The following EXT2 variants were observed in gnomAD, a reference collection of about 807,000 sequenced individuals.
EXT2 encodes the protein exostosin-2.
EXT2 carries 53 observed loss-of-function variants against 81.6 expected under a neutral mutation model. The observed-to-expected ratio is 0.65, with a 90% CI of 0.52 to 0.82. EXT2 has a LOEUF of 0.82. EXT2 is among the 40% of genes least tolerant of loss of function. The probability of loss-of-function intolerance (pLI) is 0.00; values close to 1 mark genes in which losing one functional copy is unlikely to be tolerated. For missense variants in EXT2, 774 were observed against 910.2 expected (o/e 0.85, Z 1.93); for synonymous variants, 320 against 340.0 (o/e 0.94, Z 0.65).
intron 10 of EXT2, among the ~76,000 whole-genome samples, chr11:44,216,904 C>T (rs2135228996): frequency 6.6e-6 from 1 of 150,798 alleles, no homozygotes; most frequent in Admixed American, 6.6e-5. Flanking sequence ...GTTATTAGAG[C>T]CACAACAGTC....
intron 8 of EXT2, among the ~76,000 whole-genome samples, chr11:44,197,593 C>T (rs1237059070): frequency 6.6e-6 from 1 of 152,136 alleles, no homozygotes; most frequent in Non-Finnish European, 1.5e-5. Context: ...TCATGTTTAA[C>T]TAGAATTCTT....
rs370713706 is a variant in EXT2 at position 44,249,278 on chromosome 11, G to A, written c.*4991G>A. On this transcript the variant is annotated 3_prime_UTR_variant, in exon 14 of 14. Coordinates refer to ENST00000533608, the MANE Select transcript of EXT2 (RefSeq NM_207122.2). ...GTCCCAAAGTGTTGGGATTACAGGT[G>A]TGAACCACCATGCCTGGCCCAGGAT... is the stretch of plus-strand genomic sequence containing the variant. Among the ~76,000 whole-genome samples, 309 of 152,314 alleles carry A rather than the reference G, an allele frequency of 2.0e-3. 1 individual carries two copies. The highest frequency in any genetic ancestry group is 7.0e-3 in the African/African-American group (293 of 41,584).
intron 10 of EXT2, among the ~76,000 whole-genome samples, chr11:44,224,971 A>G (rs1955823166): frequency 6.6e-6 from 1 of 152,214 alleles, no homozygotes; most frequent in Non-Finnish European, 1.5e-5. Flanking sequence ...CATTTGGCTT[A>G]TGATGACTAT....
At chr11:44,164,144 A>G (rs981804683) in intron 7 of EXT2, among the ~76,000 whole-genome samples, 5 of 152,150 alleles carry the variant, frequency 3.3e-5, no homozygotes, top group Non-Finnish European at 7.3e-5. Context: ...AAGACTGTCA[A>G]AGGAATTCTT....
intron 10 of EXT2, among the ~76,000 whole-genome samples, chr11:44,219,222 C>T (rs1330846752): frequency 1.3e-5 from 2 of 152,118 alleles, no homozygotes; most frequent in Admixed American, 1.3e-4. Flanking sequence ...TAGCAGATGA[C>T]TGAGCACAGT....
At chr11:44,187,356 T>C (rs956926514) in intron 8 of EXT2, among the ~76,000 whole-genome samples, 1 of 152,108 alleles carries the variant, frequency 6.6e-6, no homozygotes, top group African/African-American at 2.4e-5. Flanking sequence ...TTTTTTTTTT[T>C]GTAGTGACAG....
intron 4 of EXT2, among the ~76,000 whole-genome samples, chr11:44,117,690 A>G (rs1954242287): frequency 6.6e-6 from 1 of 152,222 alleles, no homozygotes; most frequent in Non-Finnish European, 1.5e-5. Flanking sequence ...TGCCAGTACT[A>G]CATTGTCTTG....
intron 7 of EXT2, among the ~76,000 whole-genome samples, chr11:44,166,947 A>G (rs1013059593): frequency 1.3e-5 from 2 of 152,244 alleles, no homozygotes; most frequent in African/African-American, 4.8e-5. Context: ...AGAAAAAATT[A>G]TAAAAGTTTA....
At chr11:44,180,099 C>T (rs1171194987) in intron 8 of EXT2, among the ~76,000 whole-genome samples, 1 of 152,084 alleles carries the variant, frequency 6.6e-6, no homozygotes, top group Non-Finnish European at 1.5e-5. Flanking sequence ...TAAAAGAAAC[C>T]ATAGAATGAA....
At position 44,108,062 on chromosome 11, in the gene EXT2, A is replaced by C; in HGVS notation, c.350A>C (p.Asp117Ala). 6.2e-7 allele frequency: 1 copy of C among 1,614,132 alleles called. No individual in the cohort carries two copies. ...YIYALKKYVDDFGVSVSNTIS... is the reference protein window; with the variant it reads ...YIYALKKYVDAFGVSVSNTIS... ...TATGCTCTGAAAAAGTACGTGGATG[A>C]CTTTGGCGTCTCTGTCAGCAACACC... Residue 117 changes from aspartate to alanine, a missense_variant, in exon 2 of 14, where the codon GAC becomes GCC. Physicochemically the swap from Asp to Ala is moderately radical, Grantham distance 126 (BLOSUM62 -2). Around this residue, in one of 2 missense-constraint regions of EXT2, gnomAD observed 626 missense variants for 670.5 expected, o/e 0.93. Coordinates refer to ENST00000533608, the MANE Select transcript of EXT2 (RefSeq NM_207122.2).
chr11:44,168,518 A>G (rs1955026530), intron 7 of EXT2, among the ~76,000 whole-genome samples: 1 of 152,226 alleles, frequency 6.6e-6, no homozygotes, highest in Non-Finnish European at 1.5e-5. Context: ...TGGGATAAAT[A>G]CAAAGGGCCA....
intron 7 of EXT2, among the ~76,000 whole-genome samples, chr11:44,130,380 A>G (rs1358606878): frequency 6.6e-6 from 1 of 152,240 alleles, no homozygotes; most frequent in Non-Finnish European, 1.5e-5. Flanking sequence ...TTACCATAGC[A>G]GATGCAAAGC....
chr11:44,152,851 T>A (rs1040583003), intron 7 of EXT2, among the ~76,000 whole-genome samples: 6 of 152,226 alleles, frequency 3.9e-5, no homozygotes, highest in Non-Finnish European at 5.9e-5. Flanking sequence ...TTTATGTAGG[T>A]CTGTGTCTGG....
intron 8 of EXT2, among the ~76,000 whole-genome samples, chr11:44,172,940 T>C (rs1052104381): frequency 2.1e-4 from 32 of 152,358 alleles, no homozygotes; most frequent in African/African-American, 7.7e-4. Flanking sequence ...AGGACCATCC[T>C]TTTCTCTTTC....
Position 44,244,634 on chromosome 11 carries a change from A to G in EXT2, c.*347A>G. On this transcript the variant is annotated 3_prime_UTR_variant, in exon 14 of 14. Coordinates refer to ENST00000533608, the MANE Select transcript of EXT2 (RefSeq NM_207122.2). ...TCTGGAAGGAAACTTCACGGACAGG[A>G]AGACTGCTGGAGAAGAGAAGCGTGT... 2.4e-6 allele frequency: 1 copy of G among 408,930 alleles called. No individual in the cohort carries two copies. Among genetic ancestry groups the G allele is most frequent in the South Asian group, 2.8e-5 (1 of 35,574 alleles). 25.3% of individuals were successfully genotyped at this position (408,930 alleles called of 1,614,324 possible).
chr11:44,248,250 A>T lies in EXT2; in HGVS notation c.*3963A>T, dbSNP rs1956111847. 6.6e-6 allele frequency among the ~76,000 whole-genome samples: 1 copy of T among 152,230 alleles called. No homozygotes were observed. Among genetic ancestry groups the T allele is most frequent in the Non-Finnish European group, 1.5e-5 (1 of 68,042 alleles). ...CTGGCACAGAGAGGCAGAGTAGAGAATGCTAAACTGGCCCCATGTCTCCTC... is the reference window on the plus strand; with the variant it reads ...CTGGCACAGAGAGGCAGAGTAGAGATTGCTAAACTGGCCCCATGTCTCCTC... On this transcript the variant is annotated 3_prime_UTR_variant, in exon 14 of 14. Coordinates refer to ENST00000533608, the MANE Select transcript of EXT2 (RefSeq NM_207122.2).
At chr11:44,227,256 T>G (rs1564984420) in intron 10 of EXT2, among the ~76,000 whole-genome samples, 1 of 152,242 alleles carries the variant, frequency 6.6e-6, no homozygotes, top group Non-Finnish European at 1.5e-5. Context: ...TGCATTAACT[T>G]CTTTTTAGGA....
chr11:44,172,132 G>A (rs1955084028), intron 8 of EXT2, among the ~76,000 whole-genome samples: 1 of 152,224 alleles, frequency 6.6e-6, no homozygotes, highest in Non-Finnish European at 1.5e-5. Context: ...GCCAGGGACT[G>A]TGCTAAGTGC....
chr11:44,138,776 G>T (rs1017856744), intron 7 of EXT2, among the ~76,000 whole-genome samples: 1 of 152,174 alleles, frequency 6.6e-6, no homozygotes, highest in African/African-American at 2.4e-5. Context: ...TGCCGGGTGT[G>T]TACCAGTTTT....
Sources: allele counts gnomAD v4.1 joint callset (sites outside exome capture counted in the v4.1 genomes callset), GRCh38; gene constraint gnomAD v4.1.1; regional missense constraint gnomAD v4.1.1; transcripts MANE v1.5; gene names NCBI Gene and HGNC (gene_info 2026-07-23, HGNC 2026-07-21).